VAV1: variants seen among roughly 807,000 people sequenced by gnomAD.
VAV1 encodes vav guanine nucleotide exchange factor 1, also known as proto-oncogene vav.
In VAV1, 33 loss-of-function variants were observed where a neutral mutation model predicts 128.1. The ratio of observed to expected loss-of-function variants is 0.26; its 90% CI spans 0.20 to 0.34. The LOEUF (loss-of-function observed/expected upper bound fraction) is 0.34. Ranked by LOEUF, VAV1 falls within the 10% of genes least tolerant of loss-of-function variation. The pLI, the probability that VAV1 is intolerant of heterozygous loss-of-function variation, is 1.00. For missense variants in VAV1, 715 were observed against 1,093.7 expected (o/e 0.65, Z 4.88); for synonymous variants, 394 against 409.8 (o/e 0.96, Z 0.47).
At chr19:6,811,887 C>CG (rs1290948065) in intron 1 of VAV1, among the ~76,000 whole-genome samples, 1 of 152,156 alleles carries the variant, frequency 6.6e-6, no homozygotes, top group Non-Finnish European at 1.5e-5. Flanking sequence ...AGTTCCAGGT[C>CG]GGGGGGCTTT....
rs1184261516 is a variant in VAV1, at chr19:6,820,918, C to A, written c.321+100C>A. The A allele has an allele frequency of 5.4e-6, 6 of 1,106,210 alleles. No homozygotes were observed. The highest frequency in any genetic ancestry group is 4.7e-5 in the East Asian group (2 of 42,252). 68.5% of individuals were successfully genotyped at this position (1,106,210 alleles called of 1,614,324 possible). A position where few individuals can be genotyped will look rare whatever the true frequency, so the allele number is the denominator to read the frequency against. On this transcript the variant is annotated intron_variant, in intron 2 of 26. Coordinates refer to ENST00000602142, the MANE Select transcript of VAV1 (RefSeq NM_005428.4). The surrounding 1 kb of genome is among the most constrained non-coding windows in gnomAD (Gnocchi z 4.4). Reference sequence around the variant, plus strand: ...GACTGTCAGGGGACAGGCAGACAAGCCAGACCAGGCCATATACAAGACGCA... The same window carrying A: ...GACTGTCAGGGGACAGGCAGACAAGACAGACCAGGCCATATACAAGACGCA...
chr19:6,802,226 A>G (rs1971291583), intron 1 of VAV1, among the ~76,000 whole-genome samples: 1 of 152,068 alleles, frequency 6.6e-6, no homozygotes, highest in Non-Finnish European at 1.5e-5. Flanking sequence ...ACATTAGGAG[A>G]TATACCTAAT....
In VAV1 at chr19:6,848,001, C is replaced by T. The variant is rs140745065; in HGVS notation, c.2016C>T (p.Tyr672=). The T allele has an allele frequency of 4.0e-6, 6 of 1,512,164 alleles. No homozygotes were observed. Among genetic ancestry groups the T allele is most frequent in the African/African-American group, 2.9e-5 (2 of 68,362 alleles). The allele number at this position is 1,512,164 out of a possible 1,614,324, so 93.7% of individuals were successfully genotyped here. ...PPQDLSVHLW[Y]AGPMERAGAE... ...TGTCCTTGGTGTCTCTTTGCAGGTA[C>T]GCAGGCCCCATGGAGCGGGCAGGGG... Residue 672 remains tyrosine (Y), a synonymous_variant, in exon 23 of 27, where the codon TAC becomes TAT. Transcript: ENST00000602142.
intron 19 of VAV1, chr19:6,835,838 A>G (rs1972208686): frequency 6.6e-6 from 1 of 150,634 alleles, no homozygotes; most frequent in African/African-American, 2.5e-5. Flanking sequence ...TAAAGCTGCA[A>G]CTTTTGAAGG....
chr19:6,774,288 T>C (rs988772668), intron 1 of VAV1, among the ~76,000 whole-genome samples: 11 of 151,688 alleles, frequency 7.3e-5, no homozygotes, highest in Non-Finnish European at 1.0e-4. Flanking sequence ...CCACCACGCC[T>C]GGCTAATTTT....
chr19:6,836,608 A>T lies in VAV1; in HGVS notation c.1914+40A>T, dbSNP rs371752177. 143 of 1,609,544 alleles carry T rather than the reference A, an allele frequency of 8.9e-5. No individual in the cohort carries two copies. The African/African-American group carries it at 1.6e-3, about 19-fold the overall frequency. ...CACAAGAGTGATGGGGTGGGACCCA[A>T]GTGTAGGGTTATGGATTCATGTGGT... On this transcript the variant is annotated intron_variant, in intron 20 of 26. Coordinates refer to ENST00000602142, the MANE Select transcript of VAV1 (RefSeq NM_005428.4).
At chr19:6,848,659 TC>T (rs1193964027) in intron 23 of VAV1, among the ~76,000 whole-genome samples, 1 of 152,096 alleles carries the variant, frequency 6.6e-6, no homozygotes, top group African/African-American at 2.4e-5. Context: ...CGCCTCGGCC[TC>T]CCAAAGTGTT....
Position 6,826,748 on chromosome 19 carries a change from T to C in VAV1, c.927+37T>C. ...GCCACTTCTCGGGGGCCTCTCCCGC[T>C]CCTCCCCAGGCCCTGGGGGCAGCAG... On this transcript the variant is annotated intron_variant, in intron 9 of 26. Transcript: ENST00000602142. This position sits in a 1 kb window ranked among gnomAD's most constrained non-coding sequence, Gnocchi z 4.1. The C allele has an allele frequency of 6.8e-7, 1 of 1,480,952 alleles. No homozygotes were observed. The highest frequency in any genetic ancestry group is 9.1e-7 in the Non-Finnish European group (1 of 1,095,820). 91.7% of individuals were successfully genotyped at this position (1,480,952 alleles called of 1,614,324 possible). A position where few individuals can be genotyped will look rare whatever the true frequency, so the allele number is the denominator to read the frequency against.
In VAV1 at chr19:6,828,244, G is replaced by T; in HGVS notation, c.1023+73G>T. The T allele has an allele frequency of 1.3e-6, 2 of 1,573,966 alleles. No individual in the cohort carries two copies. The highest frequency in any genetic ancestry group is 1.1e-5 in the South Asian group (1 of 88,906). The stretch of plus-strand genomic sequence containing the variant: ...TGTCTATAAAAGTGGGGACGGGGCT[G>T]GCTTCTGGGGGTTGGGTCTCTAGGA... On this transcript the variant is annotated intron_variant, in intron 10 of 26. Coordinates refer to ENST00000602142, the MANE Select transcript of VAV1 (RefSeq NM_005428.4). This position sits in a 1 kb window ranked among gnomAD's most constrained non-coding sequence, Gnocchi z 4.5.
intron 1 of VAV1, among the ~76,000 whole-genome samples, chr19:6,813,005 A>G (rs1402061571): frequency 6.6e-6 from 1 of 152,232 alleles, no homozygotes; most frequent in Non-Finnish European, 1.5e-5. Context: ...TAAACCCTTC[A>G]TGTTGGTTCA....
At chr19:6,781,384 G>A (rs763327327) in intron 1 of VAV1, among the ~76,000 whole-genome samples, 16 of 152,090 alleles carry the variant, frequency 1.1e-4, no homozygotes, top group African/African-American at 2.9e-4. Context: ...CCGCCTCCCC[G>A]ACAGACGGTT....
At chr19:6,832,040 C>T in intron 14 of VAV1, 51 bp from the exon 15 acceptor site, 4 of 1,575,390 alleles carry the variant, frequency 2.5e-6, no homozygotes, top group Non-Finnish European at 3.5e-6. Context: ...GGTGTGTGCT[C>T]CCACCCTCTG....
At position 6,822,666 on chromosome 19, in the gene VAV1, T is replaced by C; in HGVS notation, c.654+152T>C. The C allele has an allele frequency of 1.7e-6, 1 of 601,476 alleles. No individual in the cohort carries two copies. Among genetic ancestry groups the C allele is most frequent in the Non-Finnish European group, 2.9e-6 (1 of 348,694 alleles). The allele number at this position is 601,476 out of a possible 1,614,324, so 37.3% of individuals were successfully genotyped here. ...GACTGTCTCCGTCTCTGAGTTTCTC[T>C]GACTTACATATGTATATATAAATAT... On this transcript the variant is annotated intron_variant, in intron 6 of 26. Transcript: ENST00000602142. This position sits in a 1 kb window ranked among gnomAD's most constrained non-coding sequence, Gnocchi z 5.9.
intron 1 of VAV1, among the ~76,000 whole-genome samples, chr19:6,817,922 G>A (rs1041974125): frequency 5.9e-5 from 9 of 152,076 alleles, no homozygotes; most frequent in Non-Finnish European, 1.2e-4. Flanking sequence ...TCCTGACCTC[G>A]TGATCCGCCC....
chr19:6,815,745 A>G (rs551109208), intron 1 of VAV1, among the ~76,000 whole-genome samples: 1 of 152,298 alleles, frequency 6.6e-6, no homozygotes, highest in South Asian at 2.1e-4. Context: ...CCTTCTCTGT[A>G]AAATGAGGAT....
rs549439945 is a variant in VAV1 at position 6,818,514 on chromosome 19, T to A, written c.205-2188T>A. The stretch of plus-strand genomic sequence containing the variant: ...TGCCTCAGGACCATTGCATGCACTG[T>A]TCTCTCTTCTTGGAATACACTTTCT... On this transcript the variant is annotated intron_variant, in intron 1 of 26. Coordinates refer to ENST00000602142, the MANE Select transcript of VAV1 (RefSeq NM_005428.4). Among the ~76,000 whole-genome samples, 16 of 152,330 alleles carry A rather than the reference T, an allele frequency of 1.1e-4. 2 individuals carry two copies. Among genetic ancestry groups the A allele is most frequent in the East Asian group, 3.9e-4 (2 of 5,186 alleles).
chr19:6,818,818 A>G (rs1971718881), intron 1 of VAV1, among the ~76,000 whole-genome samples: 1 of 152,090 alleles, frequency 6.6e-6, no homozygotes, highest in African/African-American at 2.4e-5. Context: ...CTAGTCCTAA[A>G]AAGTAGAAAC....
intron 1 of VAV1, among the ~76,000 whole-genome samples, chr19:6,813,879 T>C (rs1949192164): frequency 6.6e-6 from 1 of 151,956 alleles, no homozygotes; most frequent in Non-Finnish European, 1.5e-5. Context: ...CATAGTGACA[T>C]CCTGTCTCTA....
intron 1 of VAV1, among the ~76,000 whole-genome samples, chr19:6,783,215 C>T (rs1317456334): frequency 6.6e-6 from 1 of 152,098 alleles, no homozygotes; most frequent in East Asian, 1.9e-4. Flanking sequence ...AAACCAAACC[C>T]TCAAAACACA....
Sources: gnomAD v4.1 joint callset for allele counts (sites outside exome capture counted in the v4.1 genomes callset) on GRCh38, gnomAD v4.1.1 for gene constraint, Gnocchi (gnomAD v3.1) non-coding constraint, MANE v1.5 for transcripts, NCBI Gene and HGNC (gene_info 2026-07-23, HGNC 2026-07-21) for gene names.